Variants in CNTNAP2 observed in about 807,000 individuals in gnomAD.
CNTNAP2 encodes contactin associated protein 2.
A neutral mutation model predicts 155.2 loss-of-function variants in CNTNAP2; 98 were observed. The ratio of observed to expected loss-of-function variants is 0.63; its 90% CI spans 0.54 to 0.75. CNTNAP2 has a LOEUF of 0.75. Among genes scored for constraint, CNTNAP2 ranks in the 30% least tolerant of loss-of-function variants. The pLI is 0.00. For synonymous variants in CNTNAP2, 651 were observed against 631.2 expected (o/e 1.03, Z -0.47); for missense variants, 1,727 against 1,688.1 (o/e 1.02, Z -0.40).
intron 1 of CNTNAP2, among the ~76,000 whole-genome samples, chr7:146,344,020 A>G (rs1258776791): frequency 6.6e-6 from 1 of 152,206 alleles, no homozygotes; most frequent in Non-Finnish European, 1.5e-5. Context: ...AATCATAAAA[A>G]ATTATAAATG....
chr7:148,176,991 A>G (rs535947449), intron 18 of CNTNAP2, among the ~76,000 whole-genome samples: 5 of 152,216 alleles, frequency 3.3e-5, no homozygotes, highest in Admixed American at 2.6e-4. Context: ...TTCTATAATT[A>G]TCAATGTCAC....
chr7:147,279,114 C>G, intron 8 of CNTNAP2, among the ~76,000 whole-genome samples: 1 of 151,568 alleles, frequency 6.6e-6, no homozygotes, highest in East Asian at 1.9e-4. Flanking sequence ...TACTTACCTA[C>G]ATTTTGACAT....
At chr7:146,401,954 TTATAGC>T (rs1464609946) in intron 1 of CNTNAP2, among the ~76,000 whole-genome samples, 1 of 152,180 alleles carries the variant, frequency 6.6e-6, no homozygotes, top group East Asian at 1.9e-4. Context: ...TTTCTCATAT[TTATAGC>T]TATAATGTAA....
chr7:146,435,697 T>C (rs1264334292), intron 1 of CNTNAP2, among the ~76,000 whole-genome samples: 1 of 152,238 alleles, frequency 6.6e-6, no homozygotes, highest in Non-Finnish European at 1.5e-5. Flanking sequence ...GTGTATGTCA[T>C]GTATGCTAAT....
At chr7:146,788,001 C>T (rs1585090694) in intron 2 of CNTNAP2, among the ~76,000 whole-genome samples, 1 of 152,218 alleles carries the variant, frequency 6.6e-6, no homozygotes, top group Non-Finnish European at 1.5e-5. Flanking sequence ...CTTTTACAAA[C>T]CTTTAACTAG....
At chr7:147,327,606 A>G (rs1437241955) in intron 9 of CNTNAP2, among the ~76,000 whole-genome samples, 4 of 152,196 alleles carry the variant, frequency 2.6e-5, no homozygotes, top group Admixed American at 1.3e-4. Flanking sequence ...GCTGTTCTGC[A>G]TTCCTTTTGT....
At chr7:148,375,557 C>T (rs1036993497) in intron 21 of CNTNAP2, among the ~76,000 whole-genome samples, 1 of 150,406 alleles carries the variant, frequency 6.6e-6, no homozygotes, top group African/African-American at 2.4e-5. Flanking sequence ...GATGGGGTTT[C>T]ACCATGTTGG....
At chr7:148,193,458 C>T (rs1795230454) in intron 18 of CNTNAP2, among the ~76,000 whole-genome samples, 1 of 152,154 alleles carries the variant, frequency 6.6e-6, no homozygotes, top group Non-Finnish European at 1.5e-5. Flanking sequence ...TTGAGGCCAA[C>T]ATTGTCATGA....
chr7:147,169,527 C>T (rs1042357198), intron 8 of CNTNAP2, among the ~76,000 whole-genome samples: 2 of 152,034 alleles, frequency 1.3e-5, no homozygotes, highest in Admixed American at 6.6e-5. Flanking sequence ...TGAGAACACG[C>T]GGTATTTGGT....
At chr7:147,369,069 C>A (rs1028772999) in intron 9 of CNTNAP2, among the ~76,000 whole-genome samples, 1 of 152,136 alleles carries the variant, frequency 6.6e-6, no homozygotes, top group African/African-American at 2.4e-5. Context: ...ATGGTCTATA[C>A]AACGGAAAAA....
At chr7:148,251,675 T>G (rs1796364736) in intron 20 of CNTNAP2, among the ~76,000 whole-genome samples, 1 of 152,236 alleles carries the variant, frequency 6.6e-6, no homozygotes, top group African/African-American at 2.4e-5. Flanking sequence ...TTCTCATCAC[T>G]GCTCTTCTAG....
intron 1 of CNTNAP2, among the ~76,000 whole-genome samples, chr7:146,741,372 G>T (rs1316764973): frequency 6.6e-6 from 1 of 152,122 alleles, no homozygotes; most frequent in African/African-American, 2.4e-5. Flanking sequence ...CTCATCTGTT[G>T]CTGTGCTGGA....
intron 15 of CNTNAP2, among the ~76,000 whole-genome samples, chr7:148,107,928 G>T (rs1353877784): frequency 6.6e-6 from 1 of 152,198 alleles, no homozygotes; most frequent in Non-Finnish European, 1.5e-5. Context: ...CACTCAATCT[G>T]GGAGGGGAAT....
At chr7:148,210,361 T>C (rs1178448903) in intron 18 of CNTNAP2, among the ~76,000 whole-genome samples, 8 of 152,210 alleles carry the variant, frequency 5.3e-5, no homozygotes, top group Admixed American at 5.2e-4. Context: ...TTGACCACCA[T>C]GCACAACAGG....
chr7:146,771,839 T>C (rs1802297993), intron 1 of CNTNAP2, among the ~76,000 whole-genome samples: 1 of 152,130 alleles, frequency 6.6e-6, no homozygotes, highest in African/African-American at 2.4e-5. Flanking sequence ...GCTTATAAAT[T>C]TGAGAGAGAA....
chr7:147,104,719 A>G (rs1321232999), intron 4 of CNTNAP2, among the ~76,000 whole-genome samples: 1 of 150,540 alleles, frequency 6.6e-6, no homozygotes, highest in Admixed American at 6.6e-5. Flanking sequence ...TAAGATTAAT[A>G]AAAAATTTTA....
intron 8 of CNTNAP2, among the ~76,000 whole-genome samples, chr7:147,284,747 A>G (rs1021309481): frequency 3.3e-5 from 5 of 151,932 alleles, no homozygotes; most frequent in Non-Finnish European, 7.4e-5. Flanking sequence ...TAGGAGTAAG[A>G]AAAACTACCA....
chr7:146,876,639 G>C (rs952071036), intron 3 of CNTNAP2, among the ~76,000 whole-genome samples: 1 of 152,042 alleles, frequency 6.6e-6, no homozygotes, highest in Non-Finnish European at 1.5e-5. Context: ...GAACCTTCTA[G>C]ACATACTGAT....
intron 1 of CNTNAP2, among the ~76,000 whole-genome samples, chr7:146,529,767 C>T (rs1203428056): frequency 6.6e-6 from 1 of 152,004 alleles, no homozygotes; most frequent in Non-Finnish European, 1.5e-5. Context: ...GAGATTGAGA[C>T]CATCCTGGCC....
Sources: gnomAD v4.1 joint callset for allele counts (sites outside exome capture counted in the v4.1 genomes callset) on GRCh38, gnomAD v4.1.1 for gene constraint, MANE v1.5 for transcripts, NCBI Gene and HGNC (gene_info 2026-07-23, HGNC 2026-07-21) for gene names.